The following OR6C74 variants were observed in gnomAD, a reference collection of about 807,000 sequenced individuals.
OR6C74 encodes the protein olfactory receptor 6C74.
For synonymous variants in OR6C74, 142 were observed against 134.2 expected (o/e 1.06, Z -0.40); for missense variants, 361 against 362.9 (o/e 0.99, Z 0.04).
Position 55,248,066 on chromosome 12 carries a change from C to T in OR6C74, c.779C>T (p.Pro260Leu), listed in dbSNP as rs1222522277. 9.3e-6 allele frequency: 15 copies of T among 1,613,870 alleles called. No individual in the cohort carries two copies. The highest frequency in any genetic ancestry group is 8.5e-7 in the Non-Finnish European group (1 of 1,179,972). Reference sequence around the variant, plus strand: ...AGCTGCATCTTCATGTATGTGAAACCCTCAGCAAAAGAAAGAGTGTCATTA... The same window carrying T: ...AGCTGCATCTTCATGTATGTGAAACTCTCAGCAAAAGAAAGAGTGTCATTA... ...YGSCIFMYVK[P>L]SAKERVSLNK... is the part of the protein sequence containing the mutation. Residue 260 changes from proline to leucine, a missense_variant, in exon 2 of 2, where the codon CCC (proline) becomes CTC (leucine). Pro to Leu is a moderately conservative substitution (Grantham distance 98). Transcript: ENST00000343399.
rs1592246001 is a variant in OR6C74, at chr12:55,254,126, A to G, written c.*5900A>G. Among the ~76,000 whole-genome samples, 1 of 152,122 alleles carries G rather than the reference A, an allele frequency of 6.6e-6. No homozygotes were observed. The highest frequency in any genetic ancestry group is 1.9e-4 in the East Asian group (1 of 5,186). On this transcript the variant is annotated 3_prime_UTR_variant, in exon 2 of 2. Coordinates refer to ENST00000343399, the MANE Select transcript of OR6C74 (RefSeq NM_001005490.2). Reference sequence around the variant, plus strand: ...CATAGCCTCTGACTTTCCATGATCCATCATGTCCACTGAAATCAGGGAGTT... The same window carrying G: ...CATAGCCTCTGACTTTCCATGATCCGTCATGTCCACTGAAATCAGGGAGTT...
Position 55,244,738 on chromosome 12 carries a change from A to T in OR6C74, c.-89A>T, listed in dbSNP as rs1442523286. ...AGATATGATAAACATAGAGGTAGAT[A>T]TATGCTCCAAATTTAATTTAATACA... On this transcript the variant is annotated 5_prime_UTR_variant, in exon 1 of 2. Coordinates refer to ENST00000343399, the MANE Select transcript of OR6C74 (RefSeq NM_001005490.2). 1.3e-5 allele frequency among the ~76,000 whole-genome samples: 2 copies of T among 152,096 alleles called. No individual in the cohort carries two copies. Among genetic ancestry groups the T allele is most frequent in the Non-Finnish European group, 2.9e-5 (2 of 67,956 alleles).
At position 55,252,336 on chromosome 12, in the gene OR6C74, G is replaced by A. The variant is rs1349112977; in HGVS notation, c.*4110G>A. Among the ~76,000 whole-genome samples the A allele has an allele frequency of 6.6e-6, 1 of 151,388 alleles. No homozygotes were observed. Among genetic ancestry groups the A allele is most frequent in the African/African-American group, 2.4e-5 (1 of 41,308 alleles). ...TGGGTTGTTGTAGTGCAAAGTTAAT[G>A]CTTCACAATAATGTGGATCCATTTT... On this transcript the variant is annotated 3_prime_UTR_variant, in exon 2 of 2. Transcript: ENST00000343399.
chr12:55,245,131 G>GTTTGTT (rs1340053832), intron 1 of OR6C74, among the ~76,000 whole-genome samples: 1 of 152,016 alleles, frequency 6.6e-6, no homozygotes, highest in Non-Finnish European at 1.5e-5. Context: ...ATTATAACTA[G>GTTTGTT]TTTGTTTTTG....
rs1371019230 is a variant in OR6C74 at position 55,249,998 on chromosome 12, A to G, written c.*1772A>G. Among the ~76,000 whole-genome samples the G allele has an allele frequency of 6.6e-6, 1 of 152,082 alleles. No homozygotes were observed. On this transcript the variant is annotated 3_prime_UTR_variant, in exon 2 of 2. Transcript: ENST00000343399. ...TCAATTCCCACCTATGAGTGACAACATGCGGTGTTTGGTTTTTTGTCCTTG... is the reference window on the plus strand; with the variant it reads ...TCAATTCCCACCTATGAGTGACAACGTGCGGTGTTTGGTTTTTTGTCCTTG...
In OR6C74 at chr12:55,244,776, G is replaced by C. The variant is rs1954260798; in HGVS notation, c.-51G>C. Among the ~76,000 whole-genome samples, 1 of 151,856 alleles carries C rather than the reference G, an allele frequency of 6.6e-6. No homozygotes were observed. ...TTAATTTAATACAACATAAATCAGA[G>C]AACATCTTATTAATAAAAATCATGA... On this transcript the variant is annotated 5_prime_UTR_variant, in exon 1 of 2. Transcript: ENST00000343399.
At position 55,251,563 on chromosome 12, in the gene OR6C74, G is replaced by C. The variant is rs933574501; in HGVS notation, c.*3337G>C. ...ATTTGATAGGGCTTAATATAAAAAT[G>C]TAAGCCTAGATTAAGGATGTCTACT... On this transcript the variant is annotated 3_prime_UTR_variant, in exon 2 of 2. Transcript: ENST00000343399. Among the ~76,000 whole-genome samples the C allele has an allele frequency of 2.6e-5, 4 of 151,786 alleles. No individual in the cohort carries two copies. Among genetic ancestry groups the C allele is most frequent in the Non-Finnish European group, 5.9e-5 (4 of 67,864 alleles).
At position 55,255,964 on chromosome 12, in the gene OR6C74, A is replaced by C. The variant is rs910083623; in HGVS notation, c.*7738A>C. ...GGGTAGTAAAATTATTCTATATAGTAATGTAAAGATGAATACATAATGTAG... is the reference window on the plus strand; with the variant it reads ...GGGTAGTAAAATTATTCTATATAGTCATGTAAAGATGAATACATAATGTAG... On this transcript the variant is annotated 3_prime_UTR_variant, in exon 2 of 2. Coordinates refer to ENST00000343399, the MANE Select transcript of OR6C74 (RefSeq NM_001005490.2). Among the ~76,000 whole-genome samples the C allele has an allele frequency of 6.6e-6, 1 of 152,026 alleles. No homozygotes were observed.
At position 55,253,392 on chromosome 12, in the gene OR6C74, T is replaced by G. The variant is rs549967775; in HGVS notation, c.*5166T>G. On this transcript the variant is annotated 3_prime_UTR_variant, in exon 2 of 2. Transcript: ENST00000343399. ...CTCCTGCATCTTTGTTTTTTAAGTC[T>G]TTGATGGTGGCACTAGCTTTGAAGC... Among the ~76,000 whole-genome samples, 1 of 152,182 alleles carries G rather than the reference T, an allele frequency of 6.6e-6. No homozygotes were observed. The highest frequency in any genetic ancestry group is 2.1e-4 in the South Asian group (1 of 4,824).
In OR6C74 at chr12:55,255,307, G is replaced by A. The variant is rs1954336432; in HGVS notation, c.*7081G>A. Among the ~76,000 whole-genome samples the A allele has an allele frequency of 6.6e-6, 1 of 152,134 alleles. No individual in the cohort carries two copies. The highest frequency in any genetic ancestry group is 1.5e-5 in the Non-Finnish European group (1 of 68,012). ...ACGAGGAAACAACAGATGTTGGTGA[G>A]GATGTGGAGAAGTAGGAACACTTTT... On this transcript the variant is annotated 3_prime_UTR_variant, in exon 2 of 2. Coordinates refer to ENST00000343399, the MANE Select transcript of OR6C74 (RefSeq NM_001005490.2).
In OR6C74 at chr12:55,255,960, T is replaced by C. The variant is rs560594395; in HGVS notation, c.*7734T>C. 6.6e-6 allele frequency among the ~76,000 whole-genome samples: 1 copy of C among 152,072 alleles called. No individual in the cohort carries two copies. The highest frequency in any genetic ancestry group is 2.1e-4 in the South Asian group (1 of 4,830). On this transcript the variant is annotated 3_prime_UTR_variant, in exon 2 of 2. Transcript: ENST00000343399. ...GTTAGGGTAGTAAAATTATTCTATA[T>C]AGTAATGTAAAGATGAATACATAAT...
At position 55,250,820 on chromosome 12, in the gene OR6C74, A is replaced by C. The variant is rs1215177555; in HGVS notation, c.*2594A>C. On this transcript the variant is annotated 3_prime_UTR_variant, in exon 2 of 2. Transcript: ENST00000343399. ...ATTAAAATTTCACCATTAAAATTTA[A>C]TTTCACCACTAAAAGTAATGGTGAA... 6.6e-6 allele frequency among the ~76,000 whole-genome samples: 1 copy of C among 152,110 alleles called. No individual in the cohort carries two copies. The highest frequency in any genetic ancestry group is 2.4e-5 in the African/African-American group (1 of 41,424).
rs1373435731 is a variant in OR6C74, at chr12:55,249,949, C to T, written c.*1723C>T. 6.6e-6 allele frequency among the ~76,000 whole-genome samples: 1 copy of T among 152,110 alleles called. No individual in the cohort carries two copies. Among genetic ancestry groups the T allele is most frequent in the Non-Finnish European group, 1.5e-5 (1 of 68,018 alleles). On this transcript the variant is annotated 3_prime_UTR_variant, in exon 2 of 2. Coordinates refer to ENST00000343399, the MANE Select transcript of OR6C74 (RefSeq NM_001005490.2). ...GGCCCCGGTGTGTGATGTTCGCCTT[C>T]CTGTGTCCAGGTGTTCTTATTGTTC... is the stretch of plus-strand genomic sequence containing the variant.
chr12:55,248,287 G>C lies in OR6C74; in HGVS notation c.*61G>C. 9.3e-7 allele frequency: 1 copy of C among 1,080,006 alleles called. No homozygotes were observed. The allele number at this position is 1,080,006 out of a possible 1,614,324, so 66.9% of individuals were successfully genotyped here. A position where few individuals can be genotyped will look rare whatever the true frequency, so the allele number is the denominator to read the frequency against. ...ATAAAACAAGAAGAGTGGAGTATGT[G>C]CAAAGTTTTTCAATGTTTGTATTCA... On this transcript the variant is annotated 3_prime_UTR_variant, in exon 2 of 2. Coordinates refer to ENST00000343399, the MANE Select transcript of OR6C74 (RefSeq NM_001005490.2).
Position 55,254,018 on chromosome 12 carries a change from T to A in OR6C74, c.*5792T>A, listed in dbSNP as rs1289906296. 6.6e-6 allele frequency among the ~76,000 whole-genome samples: 1 copy of A among 152,082 alleles called. No individual in the cohort carries two copies. The highest frequency in any genetic ancestry group is 2.4e-5 in the African/African-American group (1 of 41,430). ...ATCTGTTGTTCACTACTAAAGTGCATCATGCAATATTGATAACTACTTCGG... is the reference window on the plus strand; with the variant it reads ...ATCTGTTGTTCACTACTAAAGTGCAACATGCAATATTGATAACTACTTCGG... On this transcript the variant is annotated 3_prime_UTR_variant, in exon 2 of 2. Coordinates refer to ENST00000343399, the MANE Select transcript of OR6C74 (RefSeq NM_001005490.2).
chr12:55,247,879 C>G lies in OR6C74; in HGVS notation c.592C>G (p.Leu198Val). 1 of 1,613,760 alleles carries G rather than the reference C, an allele frequency of 6.2e-7. No homozygotes were observed. The highest frequency in any genetic ancestry group is 8.5e-7 in the Non-Finnish European group (1 of 1,179,730). Reference protein sequence around the residue: ...TDTDIIELMMLLSAILTLLVT... With the variant: ...TDTDIIELMMVLSAILTLLVT... ...CACTGACATAATAGAATTAATGATG[C>G]TTCTCTCAGCCATTTTGACGCTCCT... The change falls in exon 2 of 2, where the codon CTT (leucine) becomes GTT (valine). Residue 198 changes from leucine to valine, a missense_variant. Coordinates refer to ENST00000343399, the MANE Select transcript of OR6C74 (RefSeq NM_001005490.2).
rs1565647243 is a variant in OR6C74 at position 55,247,447 on chromosome 12, A to AAG, written c.162_163dup (p.Thr55ArgfsTer14). ...TCTCACCCTACTGGATTTGCATCTCAAGACACCCATGTATTTCTTCCTCCG... is the reference window on the plus strand; with the variant it reads ...TCTCACCCTACTGGATTTGCATCTCAAGAGACACCCATGTATTTCTTCCTCCG... On this transcript the variant is annotated frameshift_variant, in exon 2 of 2. Coordinates refer to ENST00000343399, the MANE Select transcript of OR6C74 (RefSeq NM_001005490.2). LOFTEE classifies it low-confidence loss of function (END_TRUNC). 6.2e-7 allele frequency: 1 copy of AAG among 1,611,814 alleles called. No individual in the cohort carries two copies. The highest frequency in any genetic ancestry group is 2.2e-5 in the East Asian group (1 of 44,866).
rs970432822 is a variant in OR6C74 at position 55,256,041 on chromosome 12, T to C, written c.*7815T>C. ...GAATAAAAGGTGAAATGCTCCTGATTATTGTAAATACAAAATTGCATGCAG... is the reference window on the plus strand; with the variant it reads ...GAATAAAAGGTGAAATGCTCCTGATCATTGTAAATACAAAATTGCATGCAG... On this transcript the variant is annotated 3_prime_UTR_variant, in exon 2 of 2. Transcript: ENST00000343399. Among the ~76,000 whole-genome samples, 4 of 152,104 alleles carry C rather than the reference T, an allele frequency of 2.6e-5. No homozygotes were observed. The highest frequency in any genetic ancestry group is 6.6e-5 in the Admixed American group (1 of 15,262).
In OR6C74 at chr12:55,252,365, T is replaced by C; in HGVS notation, c.*4139T>C. On this transcript the variant is annotated 3_prime_UTR_variant, in exon 2 of 2. Transcript: ENST00000343399. ...CACAATAATGTGGATCCATTTTAAA[T>C]GAACTGGAAATCACAATAATTATTC... 6.6e-6 allele frequency among the ~76,000 whole-genome samples: 1 copy of C among 151,704 alleles called. No individual in the cohort carries two copies. Among genetic ancestry groups the C allele is most frequent in the East Asian group, 1.9e-4 (1 of 5,182 alleles).
Sources: allele counts gnomAD v4.1 joint callset (sites outside exome capture counted in the v4.1 genomes callset), GRCh38; gene constraint gnomAD v4.1.1; transcripts MANE v1.5; gene names NCBI Gene and HGNC (gene_info 2026-07-23, HGNC 2026-07-21).